BCAS3: variants seen among roughly 807,000 people sequenced by gnomAD.
BCAS3 encodes BCAS4/BCAS3 fusion.
In BCAS3, 53 loss-of-function variants were observed where a neutral mutation model predicts 116.1. The ratio of observed to expected loss-of-function variants is 0.46; its 90% confidence interval spans 0.37 to 0.57. BCAS3 has a LOEUF of 0.57. BCAS3 is among the 20% of genes least tolerant of loss of function. The pLI is 0.00. For missense variants in BCAS3, 917 were observed against 1,165.4 expected (o/e 0.79, Z 3.10); for synonymous variants, 391 against 408.2 (o/e 0.96, Z 0.51).
intron 22 of BCAS3, among the ~76,000 whole-genome samples, chr17:61,100,079 G>A (rs2074228869): frequency 6.6e-6 from 1 of 152,150 alleles, no homozygotes. Flanking sequence ...TATTTGGAAA[G>A]GCAACAGTTA....
At chr17:61,382,548 C>T (rs1021091555) in intron 23 of BCAS3, among the ~76,000 whole-genome samples, 5 of 151,744 alleles carry the variant, frequency 3.3e-5, no homozygotes, top group Admixed American at 6.6e-5. Context: ...AGGCGTGAGC[C>T]ACCGCGCCTG....
intron 2 of BCAS3, among the ~76,000 whole-genome samples, chr17:60,682,815 C>A (rs944302652): frequency 6.6e-6 from 1 of 152,182 alleles, no homozygotes; most frequent in African/African-American, 2.4e-5. Flanking sequence ...AGCTACCACG[C>A]CTGGCCTAAA....
chr17:61,382,263 T>TC (rs937253125), intron 23 of BCAS3, among the ~76,000 whole-genome samples: 5 of 151,262 alleles, frequency 3.3e-5, no homozygotes, highest in African/African-American at 1.2e-4. Context: ...TTTTGGCTTT[T>TC]TTTTTTCTTT....
Position 61,316,346 on chromosome 17 carries a change from A to G in BCAS3, c.2426-51981A>G, listed in dbSNP as rs1452096048. Reference sequence around the variant, plus strand: ...AATAGTAATATAGCAGGTACTTAGTAAATGTGTGCTGAATGTGGGAGACGT... The same window carrying G: ...AATAGTAATATAGCAGGTACTTAGTGAATGTGTGCTGAATGTGGGAGACGT... On this transcript the variant is annotated intron_variant, in intron 22 of 23. Coordinates refer to ENST00000407086, the MANE Select transcript of BCAS3 (RefSeq NM_017679.5). The surrounding 1 kb of genome is among the most constrained non-coding windows in gnomAD (Gnocchi z 5.8). Among the ~76,000 whole-genome samples the G allele has an allele frequency of 6.6e-6, 1 of 152,144 alleles. No individual in the cohort carries two copies. Among genetic ancestry groups the G allele is most frequent in the African/African-American group, 2.4e-5 (1 of 41,404 alleles).
intron 5 of BCAS3, among the ~76,000 whole-genome samples, chr17:60,744,201 A>G (rs1200785741): frequency 6.6e-6 from 1 of 152,080 alleles, no homozygotes; most frequent in Non-Finnish European, 1.5e-5. Context: ...CTACTCTTGT[A>G]TTTATTGCTA....
chr17:60,689,458 C>T (rs1246408638), intron 3 of BCAS3, among the ~76,000 whole-genome samples: 1 of 152,064 alleles, frequency 6.6e-6, no homozygotes, highest in East Asian at 1.9e-4. Flanking sequence ...TTACAGGTGC[C>T]TAGCCTGCAG....
chr17:61,137,477 T>G (rs986199958), intron 22 of BCAS3, among the ~76,000 whole-genome samples: 1 of 152,218 alleles, frequency 6.6e-6, no homozygotes, highest in Non-Finnish European at 1.5e-5. Context: ...TTCAAAATGC[T>G]AAAAACTGGG....
intron 19 of BCAS3, among the ~76,000 whole-genome samples, chr17:61,066,208 C>T (rs996933562): frequency 6.6e-5 from 10 of 152,184 alleles, no homozygotes; most frequent in African/African-American, 2.4e-4. Context: ...CAGCTATGTC[C>T]TCTAAAGCTT....
intron 22 of BCAS3, among the ~76,000 whole-genome samples, chr17:61,102,374 A>G (rs2074380541): frequency 6.6e-6 from 1 of 152,172 alleles, no homozygotes; most frequent in South Asian, 2.1e-4. Flanking sequence ...TATATAATGA[A>G]CTATCAGTGG....
intron 7 of BCAS3, among the ~76,000 whole-genome samples, chr17:60,830,850 G>GTTT (rs200560565): frequency 7.2e-6 from 1 of 139,598 alleles, no homozygotes; most frequent in South Asian, 2.3e-4. Context: ...TAATTTTTGG[G>GTTT]TTTTTTTTTT....
rs976104662 is a variant in BCAS3, at chr17:61,344,914, A to G, written c.2426-23413A>G. ...GGTATTTTATGATTCCTGGATCGGA[A>G]ATACACACACACACACACATACACA... On this transcript the variant is annotated intron_variant, in intron 22 of 23. Coordinates refer to ENST00000407086, the MANE Select transcript of BCAS3 (RefSeq NM_017679.5). This position sits in a 1 kb window ranked among gnomAD's most constrained non-coding sequence, Gnocchi z 4.1. Among the ~76,000 whole-genome samples, 3 of 148,988 alleles carry G rather than the reference A, an allele frequency of 2.0e-5. No homozygotes were observed. The highest frequency in any genetic ancestry group is 7.3e-5 in the African/African-American group (3 of 41,018).
In BCAS3 at chr17:61,208,433, T is replaced by C. The variant is rs1038665939; in HGVS notation, c.2425+123869T>C. Among the ~76,000 whole-genome samples the C allele has an allele frequency of 2.6e-5, 4 of 152,202 alleles. No homozygotes were observed. Among genetic ancestry groups the C allele is most frequent in the African/African-American group, 9.7e-5 (4 of 41,434 alleles). ...CTTGAAGCACCGAAGAAATGAAATG[T>C]GCTAGTAAGTGTCGTTAAAAAACTG... On this transcript the variant is annotated intron_variant, in intron 22 of 23. Transcript: ENST00000407086. The surrounding 1 kb of genome is among the most constrained non-coding windows in gnomAD (Gnocchi z 4.5).
chr17:60,752,272 A>G (rs1212494638), intron 6 of BCAS3, among the ~76,000 whole-genome samples: 1 of 151,988 alleles, frequency 6.6e-6, no homozygotes, highest in Admixed American at 6.6e-5. Flanking sequence ...GCTAAAAATT[A>G]TGTAACATTG....
chr17:61,329,343 A>ATTTTTTTTTTTTTTTTTTTT (rs35909318), intron 22 of BCAS3, among the ~76,000 whole-genome samples: 2 of 131,280 alleles, frequency 1.5e-5, no homozygotes, highest in African/African-American at 5.9e-5. Flanking sequence ...TATTATTATT[A>ATTTTTTTTTTTTTTTTTTTT]TTTTTTTTTT....
At chr17:60,896,853 G>GTTCTTATATTGTTGATTGTT (rs2057548402) in intron 10 of BCAS3, among the ~76,000 whole-genome samples, 1 of 151,970 alleles carries the variant, frequency 6.6e-6, no homozygotes, top group Non-Finnish European at 1.5e-5. Context: ...GTGAGACTTT[G>GTTCTTATATTGTTGATTGTT]TTCTTATATT....
chr17:60,851,753 T>C (rs1296081728), intron 7 of BCAS3: 13 of 925,766 alleles, frequency 1.4e-5, no homozygotes, highest in Non-Finnish European at 2.3e-5. Context: ...TAATACCATA[T>C]ACCATGTCTT....
chr17:60,780,253 G>A (rs1358546615), intron 6 of BCAS3, among the ~76,000 whole-genome samples: 2 of 149,926 alleles, frequency 1.3e-5, no homozygotes, highest in African/African-American at 2.5e-5. Flanking sequence ...CTGCCAAAGT[G>A]CTTGGATTAC....
intron 22 of BCAS3, among the ~76,000 whole-genome samples, chr17:61,100,352 T>G (rs1285030758): frequency 1.3e-5 from 2 of 152,198 alleles, no homozygotes; most frequent in African/African-American, 4.8e-5. Flanking sequence ...TACCTCAAAT[T>G]AGAGTTTTTA....
At chr17:61,114,689 T>C (rs1449342354) in intron 22 of BCAS3, among the ~76,000 whole-genome samples, 17 of 148,626 alleles carry the variant, frequency 1.1e-4, no homozygotes, top group East Asian at 4.0e-4. Context: ...GATTCAATGC[T>C]ATCCCCATAA....
Sources: gnomAD v4.1 joint callset for allele counts (sites outside exome capture counted in the v4.1 genomes callset) on GRCh38, gnomAD v4.1.1 for gene constraint, Gnocchi (gnomAD v3.1) non-coding constraint, MANE v1.5 for transcripts, NCBI Gene and HGNC (gene_info 2026-07-23, HGNC 2026-07-21) for gene names.